SPATA13: variants seen among roughly 807,000 people sequenced by gnomAD.
SPATA13 encodes the protein spermatogenesis-associated protein 13.
Under a neutral mutation model 104.0 loss-of-function variants are expected in SPATA13, and 50 were observed. The ratio of observed to expected loss-of-function variants is 0.48; its 90% confidence interval spans 0.38 to 0.61. The LOEUF is 0.61. SPATA13 is among the 20% of genes least tolerant of loss of function. The pLI is 0.00. For missense variants in SPATA13, 1,524 were observed against 1,690.6 expected (o/e 0.90, Z 1.73); for synonymous variants, 606 against 667.5 (o/e 0.91, Z 1.42).
At chr13:24,096,284 AAG>A (rs1880081314) in intron 3 of SPATA13, among the ~76,000 whole-genome samples, 1 of 152,194 alleles carries the variant, frequency 6.6e-6, no homozygotes, top group South Asian at 2.1e-4. Flanking sequence ...GTAAAGAAAA[AAG>A]AGTGTTATAA....
At chr13:24,276,127 A>G (rs1874966965) in intron 4 of SPATA13, among the ~76,000 whole-genome samples, 1 of 152,202 alleles carries the variant, frequency 6.6e-6, no homozygotes, top group South Asian at 2.1e-4. Flanking sequence ...CAAGTATGCT[A>G]AAGAGTTGTA....
rs1417477740 is a variant in SPATA13 at position 24,051,351 on chromosome 13, G to A, written c.-112+33650G>A. On this transcript the variant is annotated intron_variant, in intron 3 of 14. Transcript: ENST00000424834. The surrounding 1 kb of genome is among the most constrained non-coding windows in gnomAD (Gnocchi z 4.2). ...AGGTGAATGACCCTTGTCTGGGGTT[G>A]AAGATGAATCTTCCCCAGGTCCTCT... is the stretch of plus-strand genomic sequence containing the variant. Among the ~76,000 whole-genome samples, 1 of 152,214 alleles carries A rather than the reference G, an allele frequency of 6.6e-6. No individual in the cohort carries two copies. Among genetic ancestry groups the A allele is most frequent in the Admixed American group, 6.5e-5 (1 of 15,284 alleles).
intron 3 of SPATA13, among the ~76,000 whole-genome samples, chr13:24,058,342 T>C (rs1878645733): frequency 6.6e-6 from 1 of 151,858 alleles, no homozygotes; most frequent in Non-Finnish European, 1.5e-5. Flanking sequence ...TAAACCCCCT[T>C]AATTATATCA....
At chr13:24,188,338 A>T (rs1259362965) in intron 1 of SPATA13, among the ~76,000 whole-genome samples, 2 of 49,974 alleles carry the variant, frequency 4.0e-5, no homozygotes, top group Non-Finnish European at 7.5e-5. Flanking sequence ...TCTCCAAAAA[A>T]AATAATAAAA....
At chr13:24,206,986 T>G (rs1029366107) in intron 1 of SPATA13, among the ~76,000 whole-genome samples, 3 of 151,612 alleles carry the variant, frequency 2.0e-5, no homozygotes, top group Admixed American at 6.6e-5. Context: ...TCATCAGTAA[T>G]AGACTGGATA....
At chr13:24,070,949 G>A (rs1879139112) in intron 3 of SPATA13, among the ~76,000 whole-genome samples, 1 of 152,172 alleles carries the variant, frequency 6.6e-6, no homozygotes. Flanking sequence ...ATCTTAGGAC[G>A]TGCTGACCTC....
At chr13:24,131,969 C>T (rs929736184) in intron 3 of SPATA13, among the ~76,000 whole-genome samples, 1 of 152,236 alleles carries the variant, frequency 6.6e-6, no homozygotes, top group Non-Finnish European at 1.5e-5. Flanking sequence ...CACACAGCTT[C>T]CCTGACTCCC....
chr13:23,979,891 AC>A (rs1418894135), exon 1 of SPATA13: 1 of 152,154 alleles, frequency 6.6e-6, no homozygotes, highest in Admixed American at 6.6e-5. Flanking sequence ...CCCTCCAAGG[AC>A]CCTCTGAGGA....
intron 1 of SPATA13, among the ~76,000 whole-genome samples, chr13:24,190,647 G>A (rs1378454491): frequency 6.6e-6 from 1 of 151,954 alleles, no homozygotes; most frequent in Non-Finnish European, 1.5e-5. Flanking sequence ...AGTGGAGGCT[G>A]AAGATTTGAT....
intron 3 of SPATA13, among the ~76,000 whole-genome samples, chr13:24,065,036 C>G (rs7334243): frequency 0.89 from 134,691 of 152,012 alleles, 60,512 homozygotes; most frequent in South Asian, 0.98. Flanking sequence ...TGGATGGGAC[C>G]TTGCGTTTAT....
chr13:24,217,833 C>T (rs1322289585), intron 1 of SPATA13, among the ~76,000 whole-genome samples: 1 of 152,164 alleles, frequency 6.6e-6, no homozygotes, highest in Non-Finnish European at 1.5e-5. Flanking sequence ...GACACCACAG[C>T]TGCTGCACGT....
chr13:24,060,233 G>A (rs1354278888), intron 3 of SPATA13, among the ~76,000 whole-genome samples: 2 of 152,158 alleles, frequency 1.3e-5, no homozygotes, highest in Non-Finnish European at 2.9e-5. Context: ...ACAAAAACAG[G>A]CACACAGGCC....
At chr13:24,071,369 A>G (rs1261475541) in intron 3 of SPATA13, among the ~76,000 whole-genome samples, 1 of 152,204 alleles carries the variant, frequency 6.6e-6, no homozygotes, top group African/African-American at 2.4e-5. Flanking sequence ...GTGGAATAAT[A>G]ACATCACCAC....
intron 4 of SPATA13, among the ~76,000 whole-genome samples, chr13:24,270,237 A>G (rs1874507481): frequency 6.6e-6 from 1 of 152,156 alleles, no homozygotes; most frequent in South Asian, 2.1e-4. Context: ...AACAACCCAG[A>G]ATATATTACC....
intron 3 of SPATA13, among the ~76,000 whole-genome samples, chr13:24,058,249 T>C (rs1878638452): frequency 6.6e-6 from 1 of 151,900 alleles, no homozygotes; most frequent in Non-Finnish European, 1.5e-5. Context: ...TGTTGAAAAC[T>C]CTCTACGTGA....
At chr13:24,010,917 T>G (rs1282403200) in intron 2 of SPATA13, among the ~76,000 whole-genome samples, 1 of 151,386 alleles carries the variant, frequency 6.6e-6, no homozygotes, top group African/African-American at 2.4e-5. Context: ...AAATGGTTGC[T>G]AAATGCTTTG....
intron 4 of SPATA13, chr13:24,270,689 T>A: frequency 6.8e-7 from 1 of 1,468,424 alleles, no homozygotes; most frequent in African/African-American, 1.4e-5. Flanking sequence ...CAGCTGTCAG[T>A]TTCTGGGCAG....
At chr13:24,013,766 G>A (rs1456842950) in intron 2 of SPATA13, among the ~76,000 whole-genome samples, 2 of 148,316 alleles carry the variant, frequency 1.3e-5, no homozygotes, top group Non-Finnish European at 3.0e-5. Flanking sequence ...TGTTAGGAGT[G>A]CCACATGTGT....
chr13:24,046,068 C>A (rs1468614584), intron 3 of SPATA13, among the ~76,000 whole-genome samples: 1 of 152,168 alleles, frequency 6.6e-6, no homozygotes, highest in Non-Finnish European at 1.5e-5. Context: ...AAATGCTGTG[C>A]AGAACCATGC....
Sources: allele counts gnomAD v4.1 joint callset (sites outside exome capture counted in the v4.1 genomes callset), GRCh38; gene constraint gnomAD v4.1.1; non-coding constraint Gnocchi (gnomAD v3.1); transcripts MANE v1.5; gene names NCBI Gene and HGNC (gene_info 2026-07-23, HGNC 2026-07-21).